The following OPCML variants were observed in gnomAD, a reference collection of about 807,000 sequenced individuals.
The protein encoded by OPCML is opioid binding protein/cell adhesion molecule like, also known as opioid-binding protein/cell adhesion molecule.
OPCML carries 13 observed loss-of-function variants against 37.8 expected under a neutral mutation model. That is an observed-to-expected ratio of 0.34 (90% CI 0.22 to 0.55). The LOEUF is 0.55. OPCML is among the 20% of genes least tolerant of loss of function. The pLI is 0.91. For missense variants in OPCML, 341 were observed against 435.6 expected (o/e 0.78, Z 1.93); for synonymous variants, 176 against 168.8 (o/e 1.04, Z -0.33).
intron 1 of OPCML, among the ~76,000 whole-genome samples, chr11:132,983,009 G>A (rs1209412395): frequency 6.6e-6 from 1 of 152,166 alleles, no homozygotes; most frequent in Non-Finnish European, 1.5e-5. Context: ...GAAGGCTACT[G>A]ATTGGAACAC....
At chr11:133,279,510 T>C (rs969684830) in intron 1 of OPCML, among the ~76,000 whole-genome samples, 4 of 152,154 alleles carry the variant, frequency 2.6e-5, no homozygotes, top group Non-Finnish European at 4.4e-5. Context: ...AGAATCAGTC[T>C]CTGGTCTTAG....
At chr11:132,845,831 G>A (rs1173789912) in intron 2 of OPCML, among the ~76,000 whole-genome samples, 1 of 151,754 alleles carries the variant, frequency 6.6e-6, no homozygotes, top group African/African-American at 2.4e-5. Flanking sequence ...TTCTAGTCTA[G>A]TAATGATTTG....
At chr11:132,768,619 T>G (rs1161217432) in intron 2 of OPCML, among the ~76,000 whole-genome samples, 1 of 152,190 alleles carries the variant, frequency 6.6e-6, no homozygotes, top group Non-Finnish European at 1.5e-5. Flanking sequence ...AGATTTACTC[T>G]CAGTGTTACT....
chr11:132,875,870 G>A (rs185578878), intron 2 of OPCML, among the ~76,000 whole-genome samples: 6 of 152,264 alleles, frequency 3.9e-5, no homozygotes, highest in Non-Finnish European at 5.9e-5. Flanking sequence ...TGCTGGAAAG[G>A]TTAAGTTAGA....
chr11:133,022,161 A>T (rs1475113716), intron 1 of OPCML, among the ~76,000 whole-genome samples: 5 of 152,104 alleles, frequency 3.3e-5, no homozygotes, highest in African/African-American at 1.2e-4. Flanking sequence ...GCTGATGGAG[A>T]TGACACATTT....
intron 1 of OPCML, among the ~76,000 whole-genome samples, chr11:133,500,847 A>T (rs1947895414): frequency 6.6e-6 from 1 of 152,144 alleles, no homozygotes; most frequent in African/African-American, 2.4e-5. Context: ...GACTTAACTG[A>T]ACTGAGAAAG....
At chr11:132,992,301 A>G (rs1190268164) in intron 1 of OPCML, among the ~76,000 whole-genome samples, 1 of 152,086 alleles carries the variant, frequency 6.6e-6, no homozygotes, top group African/African-American at 2.4e-5. Flanking sequence ...CCGGACACAT[A>G]TATTTCTTCT....
intron 1 of OPCML, among the ~76,000 whole-genome samples, chr11:133,185,774 C>T (rs764389794): frequency 5.3e-5 from 8 of 152,178 alleles, no homozygotes; most frequent in Non-Finnish European, 5.9e-5. Context: ...GCCTATCCTT[C>T]CTTGCACTCC....
chr11:132,587,774 T>G (rs1234657900), intron 3 of OPCML, among the ~76,000 whole-genome samples: 1 of 152,154 alleles, frequency 6.6e-6, no homozygotes, highest in African/African-American at 2.4e-5. Flanking sequence ...CTTCTTAAAA[T>G]TGCAGCTGAG....
chr11:132,938,727 A>G (rs1299346616), intron 2 of OPCML, among the ~76,000 whole-genome samples: 1 of 152,150 alleles, frequency 6.6e-6, no homozygotes, highest in Non-Finnish European at 1.5e-5. Flanking sequence ...AGAGCTTTCT[A>G]GGGCATTAAC....
intron 2 of OPCML, among the ~76,000 whole-genome samples, chr11:132,898,221 G>A (rs1185108379): frequency 6.6e-6 from 1 of 152,200 alleles, no homozygotes; most frequent in Non-Finnish European, 1.5e-5. Context: ...CAGCTACGTG[G>A]TGGCAAGTTG....
intron 1 of OPCML, among the ~76,000 whole-genome samples, chr11:133,165,231 G>C (rs147796020): frequency 3.3e-5 from 5 of 152,282 alleles, no homozygotes; most frequent in African/African-American, 1.2e-4. Flanking sequence ...TGTCTCTCCA[G>C]TCGCACTGGG....
intron 1 of OPCML, among the ~76,000 whole-genome samples, chr11:133,140,878 G>GGAGA: frequency 3.3e-4 from 8 of 24,060 alleles, no homozygotes; most frequent in South Asian, 1.6e-3. Flanking sequence ...CGACGAAGAA[G>GGAGA]ACGACGACGA....
At chr11:133,184,641 T>C (rs1335841143) in intron 1 of OPCML, among the ~76,000 whole-genome samples, 1 of 152,170 alleles carries the variant, frequency 6.6e-6, no homozygotes, top group African/African-American at 2.4e-5. Flanking sequence ...ATTAACTATC[T>C]ACTTAGAGTA....
At chr11:132,514,949 T>C (rs2096276553) in intron 4 of OPCML, among the ~76,000 whole-genome samples, 2 of 152,224 alleles carry the variant, frequency 1.3e-5, no homozygotes, top group African/African-American at 4.8e-5. Context: ...CAGCTGTAAT[T>C]ACTGCACCAG....
At chr11:133,474,392 C>T (rs867016021) in intron 1 of OPCML, among the ~76,000 whole-genome samples, 2 of 152,210 alleles carry the variant, frequency 1.3e-5, no homozygotes, top group African/African-American at 4.8e-5. Flanking sequence ...AACTAGAATG[C>T]CATTCATTTA....
At chr11:132,576,017 T>C (rs2096449721) in intron 3 of OPCML, among the ~76,000 whole-genome samples, 1 of 152,120 alleles carries the variant, frequency 6.6e-6, no homozygotes, top group Non-Finnish European at 1.5e-5. Context: ...ATGTAACCAG[T>C]TGTTTTTTAC....
chr11:133,127,460 C>T (rs961874640), intron 1 of OPCML, among the ~76,000 whole-genome samples: 1 of 151,972 alleles, frequency 6.6e-6, no homozygotes, highest in Non-Finnish European at 1.5e-5. Context: ...TGGAAAAACC[C>T]TGTCTCTACA....
intron 1 of OPCML, chr11:133,004,810 C>G (rs1947075473): frequency 2.0e-6 from 2 of 985,444 alleles, no homozygotes; most frequent in Non-Finnish European, 2.4e-6. Context: ...TCCGTCTAAC[C>G]TGCCCCTCTC....
Sources: allele counts gnomAD v4.1 joint callset (sites outside exome capture counted in the v4.1 genomes callset), GRCh38; gene constraint gnomAD v4.1.1; transcripts MANE v1.5; gene names NCBI Gene and HGNC (gene_info 2026-07-23, HGNC 2026-07-21).